NRG1: variants seen among roughly 807,000 people sequenced by gnomAD.
NRG1 encodes the protein neuregulin 1.
In NRG1, 18 loss-of-function variants were observed where a neutral mutation model predicts 63.8. The ratio of observed to expected loss-of-function variants is 0.28; its 90% confidence interval spans 0.19 to 0.42. NRG1 has a LOEUF of 0.42. NRG1 is among the 10% of genes least tolerant of loss of function. NRG1 has a pLI of 1.00. For missense variants in NRG1, 762 were observed against 814.7 expected (o/e 0.94, Z 0.79); for synonymous variants, 302 against 301.3 (o/e 1.00, Z -0.02).
intron 1 of NRG1, among the ~76,000 whole-genome samples, chr8:31,912,246 T>G (rs1833004704): frequency 6.6e-6 from 1 of 152,176 alleles, no homozygotes; most frequent in Non-Finnish European, 1.5e-5. Flanking sequence ...GATTGATAAC[T>G]GTTTTTTGTC....
intron 1 of NRG1, among the ~76,000 whole-genome samples, chr8:32,016,298 A>G (rs1307778444): frequency 6.6e-6 from 1 of 152,086 alleles, no homozygotes; most frequent in Non-Finnish European, 1.5e-5. Flanking sequence ...CCTCACCTCA[A>G]GCAACCCTCC....
intron 1 of NRG1, among the ~76,000 whole-genome samples, chr8:31,651,884 C>T (rs1165653787): frequency 6.6e-6 from 1 of 152,128 alleles, no homozygotes; most frequent in Non-Finnish European, 1.5e-5. Flanking sequence ...CAATCTATAT[C>T]TCTAGCCCAG....
intron 1 of NRG1, among the ~76,000 whole-genome samples, chr8:32,137,967 A>G (rs1835763919): frequency 6.6e-6 from 1 of 152,266 alleles, no homozygotes; most frequent in East Asian, 1.9e-4. Context: ...CACCTAAAAT[A>G]TATCCTGTGT....
At chr8:32,004,645 C>A in intron 1 of NRG1, among the ~76,000 whole-genome samples, 1 of 151,370 alleles carries the variant, frequency 6.6e-6, no homozygotes. Context: ...CCAGGAGAAC[C>A]CAGGAAAATA....
At chr8:31,651,780 G>A (rs541375033) in intron 1 of NRG1, among the ~76,000 whole-genome samples, 1 of 152,230 alleles carries the variant, frequency 6.6e-6, no homozygotes, top group Admixed American at 6.5e-5. Flanking sequence ...GCTGGGCTAG[G>A]TCCATTTTTT....
intron 5 of NRG1, among the ~76,000 whole-genome samples, chr8:32,708,687 A>G (rs1817044737): frequency 6.6e-6 from 1 of 152,224 alleles, no homozygotes; most frequent in South Asian, 2.1e-4. Context: ...CTATGAGATC[A>G]TGTGTATTTT....
At chr8:32,274,490 C>T (rs1201813573) in intron 1 of NRG1, among the ~76,000 whole-genome samples, 1 of 152,198 alleles carries the variant, frequency 6.6e-6, no homozygotes, top group African/African-American at 2.4e-5. Flanking sequence ...ATGAACTGTT[C>T]TTTAATCCCT....
chr8:32,378,073 C>T (rs986509197), intron 1 of NRG1, among the ~76,000 whole-genome samples: 10 of 151,920 alleles, frequency 6.6e-5, no homozygotes, highest in African/African-American at 9.7e-5. Flanking sequence ...AGAGGAGGGC[C>T]GCTTGTGGCT....
intron 5 of NRG1, among the ~76,000 whole-genome samples, chr8:32,628,039 T>C (rs16879629): frequency 0.013 from 2,049 of 152,330 alleles, 48 homozygotes; most frequent in African/African-American, 0.047. Context: ...AATCCATTTC[T>C]TTCACAAATA....
chr8:31,667,849 G>C (rs770483374), intron 1 of NRG1, among the ~76,000 whole-genome samples: 4 of 152,132 alleles, frequency 2.6e-5, no homozygotes, highest in Non-Finnish European at 5.9e-5. Flanking sequence ...GCAAATTTCC[G>C]AAGATTGGAA....
chr8:32,411,098 T>C (rs1195418299), intron 1 of NRG1, among the ~76,000 whole-genome samples: 1 of 152,058 alleles, frequency 6.6e-6, no homozygotes, highest in Non-Finnish European at 1.5e-5. Flanking sequence ...ATGGTCTCGA[T>C]CTGGTGACCT....
chr8:31,793,761 C>T (rs1431729403), intron 1 of NRG1, among the ~76,000 whole-genome samples: 2 of 152,150 alleles, frequency 1.3e-5, no homozygotes, highest in Admixed American at 6.5e-5. Flanking sequence ...AATTTATTTT[C>T]TACTTGTGAG....
intron 1 of NRG1, among the ~76,000 whole-genome samples, chr8:31,764,101 A>G (rs942114423): frequency 6.6e-6 from 1 of 151,858 alleles, no homozygotes; most frequent in South Asian, 2.1e-4. Flanking sequence ...GATTTTGTAC[A>G]TGTTATTTTC....
At chr8:32,695,798 A>T (rs2128948286) in intron 5 of NRG1, among the ~76,000 whole-genome samples, 1 of 152,332 alleles carries the variant, frequency 6.6e-6, no homozygotes, top group African/African-American at 2.4e-5. Flanking sequence ...GAGTATTTAA[A>T]GAATCAGAGG....
chr8:32,713,805 A>G (rs761758358), intron 5 of NRG1, among the ~76,000 whole-genome samples: 98 of 147,886 alleles, frequency 6.6e-4, no homozygotes, highest in Non-Finnish European at 1.1e-3. Context: ...ACATAAATAT[A>G]TATGATATTA....
chr8:32,033,745 T>C (rs1027913779), intron 1 of NRG1, among the ~76,000 whole-genome samples: 2 of 152,196 alleles, frequency 1.3e-5, no homozygotes, highest in Non-Finnish European at 2.9e-5. Flanking sequence ...TATTTGGCTC[T>C]CTGCTTGTTA....
chr8:32,058,395 C>T (rs1164014364), intron 1 of NRG1, among the ~76,000 whole-genome samples: 2 of 151,910 alleles, frequency 1.3e-5, no homozygotes, highest in Non-Finnish European at 2.9e-5. Context: ...GGAACCACTC[C>T]ATAATTACAA....
At chr8:32,138,332 C>A (rs1369517354) in intron 1 of NRG1, among the ~76,000 whole-genome samples, 2 of 151,984 alleles carry the variant, frequency 1.3e-5, no homozygotes, top group African/African-American at 4.8e-5. Flanking sequence ...CCAAGGAAGG[C>A]AAACATCTAA....
intron 1 of NRG1, among the ~76,000 whole-genome samples, chr8:31,830,429 G>T (rs892300353): frequency 7.1e-6 from 1 of 141,736 alleles, no homozygotes; most frequent in Non-Finnish European, 1.5e-5. Flanking sequence ...TTGATTTTTT[G>T]AAAACATTTT....
Sources: allele counts gnomAD v4.1 joint callset (sites outside exome capture counted in the v4.1 genomes callset), GRCh38; gene constraint gnomAD v4.1.1; transcripts MANE v1.5; gene names NCBI Gene and HGNC (gene_info 2026-07-23, HGNC 2026-07-21).